The following GBE1 variants were observed in gnomAD, a reference collection of about 807,000 sequenced individuals.
GBE1 encodes the protein 1,4-alpha-glucan-branching enzyme.
GBE1 carries 70 observed loss-of-function variants against 88.8 expected under a neutral mutation model. That is an observed-to-expected ratio of 0.79 (90% CI 0.65 to 0.96). The LOEUF (loss-of-function observed/expected upper bound fraction) is 0.96, where lower values mean the gene tolerates loss of function less well. Ranked by LOEUF, GBE1 falls within the 40% of genes least tolerant of loss-of-function variation. The pLI is 0.00. For synonymous variants in GBE1, 284 were observed against 300.1 expected, an observed-to-expected ratio of 0.95 and a Z score of 0.56; for missense variants, 872 against 871.0, an observed-to-expected ratio of 1.00 and a Z score of -0.01.
chr3:81,712,506 G>A (rs945579688), intron 1 of GBE1, among the ~76,000 whole-genome samples: 2 of 152,072 alleles, frequency 1.3e-5, no homozygotes, highest in Non-Finnish European at 2.9e-5. Context: ...TAGGGACATG[G>A]ATGAAGCTGG....
At chr3:81,719,687 G>A (rs1213191831) in intron 1 of GBE1, among the ~76,000 whole-genome samples, 3 of 152,068 alleles carry the variant, frequency 2.0e-5, no homozygotes, top group Non-Finnish European at 4.4e-5. Flanking sequence ...ATAGTTTGAA[G>A]TATTATTTTG....
chr3:81,518,364 G>GA (rs771017897), intron 14 of GBE1, among the ~76,000 whole-genome samples: 17 of 151,294 alleles, frequency 1.1e-4, no homozygotes, highest in Non-Finnish European at 1.5e-4. Flanking sequence ...CCCCCTTCAA[G>GA]AAAAAACCCC....
chr3:81,644,235 A>C (rs1704734665), intron 6 of GBE1, among the ~76,000 whole-genome samples: 1 of 152,144 alleles, frequency 6.6e-6, no homozygotes, highest in Non-Finnish European at 1.5e-5. Context: ...AGCAAAATAC[A>C]TAGAATGTCG....
chr3:81,624,028 C>T (rs1414689771), intron 7 of GBE1, among the ~76,000 whole-genome samples: 1 of 152,092 alleles, frequency 6.6e-6, no homozygotes, highest in East Asian at 1.9e-4. Context: ...CTATAAAGAA[C>T]TGCCCAAGGC....
chr3:81,509,294 C>CTTTTTTT (rs34753672), intron 14 of GBE1, among the ~76,000 whole-genome samples: 1 of 123,788 alleles, frequency 8.1e-6, no homozygotes. Flanking sequence ...TAGGGTTTGT[C>CTTTTTTT]TTTTTTTTTT....
At chr3:81,522,884 A>G (rs1446200811) in intron 14 of GBE1, among the ~76,000 whole-genome samples, 1 of 151,578 alleles carries the variant, frequency 6.6e-6, no homozygotes, top group Non-Finnish European at 1.5e-5. Flanking sequence ...CAGTTTTCCA[A>G]TGTCTGTATC....
intron 12 of GBE1, among the ~76,000 whole-genome samples, chr3:81,565,436 AAAC>A: frequency 6.6e-6 from 1 of 152,330 alleles, no homozygotes; most frequent in South Asian, 2.1e-4. Flanking sequence ...GTTTGACACT[AAAC>A]AACCACAGAT....
At chr3:81,703,003 T>G (rs1346206538) in intron 2 of GBE1, among the ~76,000 whole-genome samples, 2 of 148,802 alleles carry the variant, frequency 1.3e-5, no homozygotes, top group East Asian at 1.9e-4. Flanking sequence ...AATATGGGGG[T>G]GGGGGAACCA....
At chr3:81,612,693 T>C in intron 7 of GBE1, 1 of 521,596 alleles carries the variant, frequency 1.9e-6, no homozygotes, top group Non-Finnish European at 3.7e-6. Flanking sequence ...ATTTTGTACT[T>C]CATCACTGTG....
At chr3:81,553,832 G>A (rs1363826739) in intron 12 of GBE1, among the ~76,000 whole-genome samples, 6 of 151,954 alleles carry the variant, frequency 3.9e-5, no homozygotes, top group Non-Finnish European at 4.4e-5. Flanking sequence ...CAGAGGTTAG[G>A]TTTCCTTTTC....
intron 1 of GBE1, among the ~76,000 whole-genome samples, chr3:81,742,909 T>C (rs1261711870): frequency 1.3e-5 from 2 of 152,046 alleles, no homozygotes; most frequent in African/African-American, 4.8e-5. Context: ...GATAAAAGAA[T>C]TACTCCCAAC....
At chr3:81,710,830 A>C (rs1705855418) in intron 1 of GBE1, among the ~76,000 whole-genome samples, 1 of 152,222 alleles carries the variant, frequency 6.6e-6, no homozygotes, top group African/African-American at 2.4e-5. Flanking sequence ...CCAAGTTCCA[A>C]AAGTGTTTAA....
chr3:81,561,783 C>G (rs913187348), intron 12 of GBE1, among the ~76,000 whole-genome samples: 2 of 151,884 alleles, frequency 1.3e-5, no homozygotes, highest in African/African-American at 4.8e-5. Flanking sequence ...CTAGGTTCAG[C>G]CTTCTCTCTC....
chr3:81,629,529 C>T (rs933659508), intron 7 of GBE1, among the ~76,000 whole-genome samples: 1 of 151,902 alleles, frequency 6.6e-6, no homozygotes. Context: ...AATATTATAA[C>T]CACCTAACTC....
chr3:81,649,882 T>A lies in GBE1; in HGVS notation c.469A>T (p.Ile157Phe). 3.7e-6 allele frequency: 6 copies of A among 1,610,622 alleles called. No homozygotes were observed. Among genetic ancestry groups the A allele is most frequent in the Non-Finnish European group, 5.1e-6 (6 of 1,177,326 alleles). Residue 157 changes from isoleucine (I) to phenylalanine (F), a missense_variant, in exon 4 of 16, where the codon ATT (isoleucine) becomes TTT (phenylalanine). Transcript: ENST00000429644. ...ACCACATACTTTGCCCACGGTGAAA[T>A]ACGATACAAGATCTCTCCGCTTTTA... ...TSKSGEILYR[I>F]SPWAKYVVRE...
chr3:81,494,153 T>A (rs1702473388), intron 15 of GBE1, among the ~76,000 whole-genome samples: 1 of 152,222 alleles, frequency 6.6e-6, no homozygotes, highest in African/African-American at 2.4e-5. Flanking sequence ...GCCTTTGTGG[T>A]ATAGGCAACA....
chr3:81,593,751 T>C, intron 8 of GBE1, among the ~76,000 whole-genome samples, 157 bp downstream of exon 8: 1 of 152,292 alleles, frequency 6.6e-6, no homozygotes, highest in East Asian at 1.9e-4. Flanking sequence ...TTTTGTTTAC[T>C]TATAAAATGT....
chr3:81,557,807 A>C, intron 12 of GBE1, among the ~76,000 whole-genome samples: 1 of 152,074 alleles, frequency 6.6e-6, no homozygotes, highest in East Asian at 1.9e-4. Context: ...ATGTATTAAT[A>C]CATTATAGAA....
chr3:81,520,353 A>C (rs1340117647), intron 14 of GBE1, among the ~76,000 whole-genome samples: 2 of 151,538 alleles, frequency 1.3e-5, no homozygotes, highest in Non-Finnish European at 1.5e-5. Context: ...TTACTATACT[A>C]TATTAAACTG....
Sources: allele counts gnomAD v4.1 joint callset (sites outside exome capture counted in the v4.1 genomes callset), GRCh38; gene constraint gnomAD v4.1.1; transcripts MANE v1.5; gene names NCBI Gene and HGNC (gene_info 2026-07-23, HGNC 2026-07-21).